Variants in SMO observed in about 807,000 individuals in gnomAD.
SMO encodes the protein smoothened, frizzled class receptor, also known as protein smoothened.
SMO carries 40 observed loss-of-function variants against 81.6 expected under a neutral mutation model. The observed-to-expected ratio is 0.49, with a 90% CI of 0.38 to 0.64. The LOEUF (loss-of-function observed/expected upper bound fraction) is 0.64, where lower values mean the gene tolerates loss of function less well. Among genes scored for constraint, SMO ranks in the 30% least tolerant of loss-of-function variants. SMO has a pLI of 0.00. For missense variants in SMO, 916 were observed against 1,061.1 expected, an observed-to-expected ratio of 0.86 and a Z score of 1.90; for synonymous variants, 434 against 432.1, an observed-to-expected ratio of 1.00 and a Z score of -0.05.
At chr7:129,197,926 C>T (rs1053724625) in intron 1 of SMO, among the ~76,000 whole-genome samples, 2 of 152,166 alleles carry the variant, frequency 1.3e-5, no homozygotes, top group East Asian at 1.9e-4. Flanking sequence ...CGGTAACACC[C>T]GTATTCCTGT....
Position 129,210,593 on chromosome 7 carries a change from C to T in SMO, c.1652+45C>T. 6 of 1,491,744 alleles carry T rather than the reference C, an allele frequency of 4.0e-6. No individual in the cohort carries two copies. The highest frequency in any genetic ancestry group is 2.3e-5 in the East Asian group (1 of 44,218). The allele number at this position is 1,491,744 out of a possible 1,614,324, so 92.4% of individuals were successfully genotyped here. ...CCTCCTGCCCTGCCCGCCTCACCCT[C>T]AGCCTTGGGACCCCATCTTTAGGTT... On this transcript the variant is annotated intron_variant, in intron 9 of 11. Transcript: ENST00000249373. This position sits in a 1 kb window ranked among gnomAD's most constrained non-coding sequence, Gnocchi z 4.7.
chr7:129,205,862 G>T (rs984885621), intron 4 of SMO, 80 bp downstream of exon 4: 1 of 1,297,562 alleles, frequency 7.7e-7, no homozygotes, highest in Non-Finnish European at 1.1e-6. Flanking sequence ...GAGCAGGTGC[G>T]TGTAAAACCG....
At chr7:129,205,871 C>G (rs1027401411) in intron 4 of SMO, 89 bp downstream of exon 4, 3 of 1,231,012 alleles carry the variant, frequency 2.4e-6, no homozygotes, top group Non-Finnish European at 3.4e-6. Context: ...CGTGTAAAAC[C>G]GAGATCCAGG....
In SMO at chr7:129,212,894, T is replaced by C. The variant is rs1793902848; in HGVS notation, c.*443T>C. 3.5e-6 allele frequency: 1 copy of C among 282,670 alleles called. No individual in the cohort carries two copies. Among genetic ancestry groups the C allele is most frequent in the Non-Finnish European group, 6.7e-6 (1 of 150,298 alleles). 17.5% of individuals were successfully genotyped at this position (282,670 alleles called of 1,614,324 possible). A position where few individuals can be genotyped will look rare whatever the true frequency, so the allele number is the denominator to read the frequency against. On this transcript the variant is annotated 3_prime_UTR_variant, in exon 12 of 12. Transcript: ENST00000249373. This position sits in a 1 kb window ranked among gnomAD's most constrained non-coding sequence, Gnocchi z 5.0. ...GCTGATGGGTGCCCTTTCCTGGCAG[T>C]CTCAGTCCAAAAGTGTTGACTGTGT...
intron 1 of SMO, among the ~76,000 whole-genome samples, chr7:129,201,383 G>A (rs1328940040): frequency 1.3e-5 from 2 of 152,056 alleles, no homozygotes; most frequent in Non-Finnish European, 2.9e-5. Context: ...TTTCTCTAAA[G>A]CATTTTACTC....
chr7:129,196,299 T>A (rs1178718281), intron 1 of SMO, among the ~76,000 whole-genome samples: 1 of 149,038 alleles, frequency 6.7e-6, no homozygotes, highest in Non-Finnish European at 1.5e-5. Flanking sequence ...AATATCACTA[T>A]CTAGTAGAGA....
In SMO at chr7:129,205,657, T is replaced by TA. The variant is rs1424229514; in HGVS notation, c.796dup (p.Ile266AsnfsTer45). ...GGAACTCGAATCGCTACCCTGCTGT[T>TA]ATTCTCTTCTACGTCAATGCGTGCT... On this transcript the variant is annotated frameshift_variant, in exon 4 of 12. Coordinates refer to ENST00000249373, the MANE Select transcript of SMO (RefSeq NM_005631.5). LOFTEE classifies it high-confidence loss of function. 1 of 1,614,000 alleles carries TA rather than the reference T, an allele frequency of 6.2e-7. No homozygotes were observed. Among genetic ancestry groups the TA allele is most frequent in the Non-Finnish European group, 8.5e-7 (1 of 1,180,024 alleles).
At position 129,212,550 on chromosome 7, in the gene SMO, A is replaced by C. The variant is rs1793895111; in HGVS notation, c.*99A>C. Reference sequence around the variant, plus strand: ...GCTTCCCTAGGATCCCGTCTTCCAGAGAACCTGTGGGCTGACTGCCCTCCG... The same window carrying C: ...GCTTCCCTAGGATCCCGTCTTCCAGCGAACCTGTGGGCTGACTGCCCTCCG... On this transcript the variant is annotated 3_prime_UTR_variant, in exon 12 of 12. Transcript: ENST00000249373. This position sits in a 1 kb window ranked among gnomAD's most constrained non-coding sequence, Gnocchi z 5.0. The C allele has an allele frequency of 8.2e-7, 1 of 1,217,746 alleles. No individual in the cohort carries two copies. The highest frequency in any genetic ancestry group is 1.5e-5 in the African/African-American group (1 of 66,540). 75.4% of individuals were successfully genotyped at this position (1,217,746 alleles called of 1,614,324 possible). A position where few individuals can be genotyped will look rare whatever the true frequency, so the allele number is the denominator to read the frequency against.
chr7:129,202,744 G>A (rs1482983379), intron 1 of SMO, among the ~76,000 whole-genome samples: 1 of 152,074 alleles, frequency 6.6e-6, no homozygotes, highest in African/African-American at 2.4e-5. Context: ...TTGGTAAGAG[G>A]AACAAGGGTT....
rs1401634708 is a variant in SMO at position 129,206,547 on chromosome 7, C to T, written c.1224C>T (p.Ile408=). Residue 408 remains isoleucine, a synonymous_variant, in exon 6 of 12, where the codon ATC becomes ATT. Transcript: ENST00000249373. The surrounding 1 kb of genome is among the most constrained non-coding windows in gnomAD (Gnocchi z 4.4). ...RYRAGFVLAP[I]GLVLIVGGYF... is the part of the protein sequence containing the mutation. The stretch of plus-strand genomic sequence containing the variant: ...GTGCGGGCTTCGTGCTGGCCCCAAT[C>T]GGCCTGGTGCTCATCGTGGGAGGCT... The T allele has an allele frequency of 6.2e-6, 10 of 1,614,060 alleles. No individual in the cohort carries two copies. The highest frequency in any genetic ancestry group is 3.3e-5 in the South Asian group (3 of 91,086).
rs1278982559 is a variant in SMO at position 129,211,596 on chromosome 7, G to A, written c.1802-40G>A. 1.2e-6 allele frequency: 2 copies of A among 1,605,050 alleles called. No individual in the cohort carries two copies. Among genetic ancestry groups the A allele is most frequent in the East Asian group, 2.2e-5 (1 of 44,786 alleles). ...GGGAGGCACTGCCAGGGACCGGGAAGTCACTATTCCTTCTCCTTTCCTTCC... is the reference window on the plus strand; with the variant it reads ...GGGAGGCACTGCCAGGGACCGGGAAATCACTATTCCTTCTCCTTTCCTTCC... On this transcript the variant is annotated intron_variant, in intron 10 of 11. Coordinates refer to ENST00000249373, the MANE Select transcript of SMO (RefSeq NM_005631.5). This position sits in a 1 kb window ranked among gnomAD's most constrained non-coding sequence, Gnocchi z 4.6.
intron 7 of SMO, 69 bp from the exon 8 acceptor site, chr7:129,209,220 C>G: frequency 1.1e-6 from 1 of 925,470 alleles, no homozygotes; most frequent in Non-Finnish European, 1.8e-6. Context: ...GTGGGGCAGA[C>G]TCTCTCCTCC....
chr7:129,210,442 C>G lies in SMO; in HGVS notation c.1546C>G (p.Leu516Val), dbSNP rs559229569. The G allele has an allele frequency of 1.9e-6, 3 of 1,614,170 alleles. No homozygotes were observed. In the South Asian group the frequency reaches 3.3e-5, roughly 18 times the overall value. The change falls in exon 9 of 12, where the codon CTG (leucine) becomes GTG (valine). Residue 516 changes from leucine (L) to valine (V), a missense_variant. Leu to Val is a conservative substitution (Grantham distance 32). Coordinates refer to ENST00000249373, the MANE Select transcript of SMO (RefSeq NM_005631.5). The surrounding 1 kb of genome is among the most constrained non-coding windows in gnomAD (Gnocchi z 4.7). ...TGAGATCAAGAATCGCCCGAGCCTT[C>G]TGGTGGAGAAGATCAACCTGTTTGC... Reference protein sequence around the residue: ...DCEIKNRPSLLVEKINLFAMF... With the variant: ...DCEIKNRPSLVVEKINLFAMF...
chr7:129,201,808 G>A (rs1310111666), intron 1 of SMO, among the ~76,000 whole-genome samples: 1 of 151,976 alleles, frequency 6.6e-6, no homozygotes, highest in African/African-American at 2.4e-5. Flanking sequence ...AGCCTCCCGA[G>A]TAGCTGGGAT....
In SMO at chr7:129,210,662, C is replaced by T. The variant is rs55740706; in HGVS notation, c.1652+114C>T. ...AGCACAGCCTTGGTCAGTGGTTCACCGCTGCCCCCTGGTGGCACCTTCTGT... is the reference window on the plus strand; with the variant it reads ...AGCACAGCCTTGGTCAGTGGTTCACTGCTGCCCCCTGGTGGCACCTTCTGT... On this transcript the variant is annotated intron_variant, in intron 9 of 11. Transcript: ENST00000249373. This position sits in a 1 kb window ranked among gnomAD's most constrained non-coding sequence, Gnocchi z 4.7. The T allele has an allele frequency of 1.9e-4, 167 of 898,128 alleles. 1 individual carries two copies. The East Asian group carries it at 3.5e-3, about 19-fold the overall frequency. 55.6% of individuals were successfully genotyped at this position (898,128 alleles called of 1,614,324 possible).
rs146200641 is a variant in SMO at position 129,211,755 on chromosome 7, C to G, written c.1921C>G (p.Pro641Ala). ...ACTGCCCCAGGATATTTCTGTCACC[C>G]CTGTGGCAACTCCAGGTATGAGAGT... ...AILPQDISVT[P>A]VATPVPPEEQ... is the part of the protein sequence containing the mutation. The change falls in exon 11 of 12, where the codon CCT (proline) becomes GCT (alanine). Residue 641 changes from proline (P) to alanine (A), a missense_variant. Transcript: ENST00000249373. This position sits in a 1 kb window ranked among gnomAD's most constrained non-coding sequence, Gnocchi z 4.6. 1,061 of 1,613,958 alleles carry G rather than the reference C, an allele frequency of 6.6e-4. 1 individual carries two copies. The highest frequency in any genetic ancestry group is 8.2e-4 in the Non-Finnish European group (970 of 1,180,020).
Position 129,210,593 on chromosome 7 carries a change from C to A in SMO, c.1652+45C>A, listed in dbSNP as rs2150654129. On this transcript the variant is annotated intron_variant, in intron 9 of 11. Coordinates refer to ENST00000249373, the MANE Select transcript of SMO (RefSeq NM_005631.5). The surrounding 1 kb of genome is among the most constrained non-coding windows in gnomAD (Gnocchi z 4.7). Reference sequence around the variant, plus strand: ...CCTCCTGCCCTGCCCGCCTCACCCTCAGCCTTGGGACCCCATCTTTAGGTT... The same window carrying A: ...CCTCCTGCCCTGCCCGCCTCACCCTAAGCCTTGGGACCCCATCTTTAGGTT... The A allele has an allele frequency of 1.3e-6, 2 of 1,491,744 alleles. No individual in the cohort carries two copies. Among genetic ancestry groups the A allele is most frequent in the Non-Finnish European group, 1.9e-6 (2 of 1,071,932 alleles). The allele number at this position is 1,491,744 out of a possible 1,614,324, so 92.4% of individuals were successfully genotyped here.
chr7:129,190,566 G>A (rs1335104408), intron 1 of SMO, among the ~76,000 whole-genome samples: 1 of 152,266 alleles, frequency 6.6e-6, no homozygotes, highest in African/African-American at 2.4e-5. Context: ...CAGGGGGCTG[G>A]TGAGGACCCT....
At chr7:129,196,475 G>A (rs1017136297) in intron 1 of SMO, among the ~76,000 whole-genome samples, 6 of 151,526 alleles carry the variant, frequency 4.0e-5, no homozygotes, top group Non-Finnish European at 1.5e-5. Flanking sequence ...AAAAATACTT[G>A]GTGATTTTTT....
Sources: allele counts gnomAD v4.1 joint callset (sites outside exome capture counted in the v4.1 genomes callset), GRCh38; gene constraint gnomAD v4.1.1; non-coding constraint Gnocchi (gnomAD v3.1); transcripts MANE v1.5; gene names NCBI Gene and HGNC (gene_info 2026-07-23, HGNC 2026-07-21).